Variants in MNS1 observed in about 807,000 individuals in gnomAD.
MNS1 encodes the protein meiosis specific nuclear structural 1, also known as meiosis-specific nuclear structural protein 1.
In MNS1, 63 loss-of-function variants were observed where a neutral mutation model predicts 72.0. That is an observed-to-expected ratio of 0.87 (90% CI 0.71 to 1.08). MNS1 has a LOEUF of 1.08. Among genes scored for constraint, MNS1 ranks in the 50% least tolerant of loss-of-function variants. The pLI is 0.00. For missense variants in MNS1, 604 were observed against 562.4 expected, an observed-to-expected ratio of 1.07 and a Z score of -0.75; for synonymous variants, 188 against 172.1, an observed-to-expected ratio of 1.09 and a Z score of -0.72.
Position 56,434,369 on chromosome 15 carries a change from CT to C in MNS1, c.1037del (p.Lys346SerfsTer5). 1 of 1,612,352 alleles carries C rather than the reference CT, an allele frequency of 6.2e-7. No homozygotes were observed. The highest frequency in any genetic ancestry group is 2.2e-5 in the East Asian group (1 of 44,862). The part of the protein sequence containing the change: ...LKEEAEKKLR[K>X]QKEMKQDFEE... ...CAAAATCTTGCTTCATCTCTTTTTG[CT>C]TTCTCAATTTCTTTTCTGCTTCTTC... On this transcript the variant is annotated frameshift_variant, in exon 8 of 10. Coordinates refer to ENST00000260453, the MANE Select transcript of MNS1 (RefSeq NM_018365.4). LOFTEE classifies it high-confidence loss of function.
At chr15:56,433,651 A>G (rs1167796857) in intron 8 of MNS1, among the ~76,000 whole-genome samples, 3 of 152,076 alleles carry the variant, frequency 2.0e-5, no homozygotes, top group African/African-American at 7.2e-5. Context: ...CTCATCTCTT[A>G]TCTACCTTCA....
Position 56,443,857 on chromosome 15 carries a change from G to A in MNS1, c.687-3C>T. On this transcript the variant is annotated splice_polypyrimidine_tract_variant and splice_region_variant and intron_variant, in intron 5 of 9. Coordinates refer to ENST00000260453, the MANE Select transcript of MNS1 (RefSeq NM_018365.4). ...TTTCTAACTTTTGTTGTTTTTCCCT[G>A]AAAAGCAATAACAAGTACAGATTTA... 6.3e-7 allele frequency: 1 copy of A among 1,588,128 alleles called. No individual in the cohort carries two copies. The highest frequency in any genetic ancestry group is 8.6e-7 in the Non-Finnish European group (1 of 1,169,168).
At chr15:56,433,776 G>A (rs1293254731) in intron 8 of MNS1, among the ~76,000 whole-genome samples, 1 of 152,096 alleles carries the variant, frequency 6.6e-6, no homozygotes, top group Non-Finnish European at 1.5e-5. Flanking sequence ...GGGTGTTCAT[G>A]ATCTGTTTCT....
At chr15:56,448,621 T>C (rs1431648137) in intron 3 of MNS1, among the ~76,000 whole-genome samples, 3 of 152,222 alleles carry the variant, frequency 2.0e-5, no homozygotes, top group Non-Finnish European at 4.4e-5. Flanking sequence ...ACATTTTCTT[T>C]ACCCAATTTC....
chr15:56,433,818 A>G (rs2050666421), intron 8 of MNS1, among the ~76,000 whole-genome samples: 1 of 152,202 alleles, frequency 6.6e-6, no homozygotes, highest in Non-Finnish European at 1.5e-5. Flanking sequence ...CCATAGCTCT[A>G]TAACCTATTA....
intron 2 of MNS1, 162 bp downstream of exon 2, chr15:56,463,864 C>G (rs1322102308): frequency 1.6e-6 from 1 of 613,446 alleles, no homozygotes; most frequent in East Asian, 2.8e-5. Flanking sequence ...CAGGCCGGCT[C>G]CAGAAACCCA....
chr15:56,463,863 T>C (rs1382388580), intron 2 of MNS1, 163 bp downstream of exon 2: 1 of 611,178 alleles, frequency 1.6e-6, no homozygotes, highest in East Asian at 2.8e-5. Flanking sequence ...ACAGGCCGGC[T>C]CCAGAAACCC....
chr15:56,435,278 TGTAAAG>T (rs2050702115), intron 7 of MNS1, among the ~76,000 whole-genome samples: 2 of 151,752 alleles, frequency 1.3e-5, no homozygotes, highest in Admixed American at 6.6e-5. Flanking sequence ...TAAAAAGAAC[TGTAAAG>T]TAAACCCAAA....
rs139884668 is a variant in MNS1, at chr15:56,446,257, T to C, written c.456+584A>G. ...GATAATGAGAGCTCAAGGGATGATGTGCACCCTTTTAATTAACTGTTAATT... is the reference window on the plus strand; with the variant it reads ...GATAATGAGAGCTCAAGGGATGATGCGCACCCTTTTAATTAACTGTTAATT... On this transcript the variant is annotated intron_variant, in intron 4 of 9. Coordinates refer to ENST00000260453, the MANE Select transcript of MNS1 (RefSeq NM_018365.4). Among the ~76,000 whole-genome samples the C allele has an allele frequency of 2.0e-5, 3 of 152,074 alleles. No individual in the cohort carries two copies. The East Asian group carries it at 5.8e-4, about 29-fold the overall frequency.
At chr15:56,430,808 G>A (rs1235500045) in intron 9 of MNS1, among the ~76,000 whole-genome samples, 2 of 152,176 alleles carry the variant, frequency 1.3e-5, no homozygotes, top group African/African-American at 4.8e-5. Context: ...TCTTTGGCAT[G>A]TAAGTACTAC....
At chr15:56,462,889 T>C in intron 2 of MNS1, among the ~76,000 whole-genome samples, 1 of 152,294 alleles carries the variant, frequency 6.6e-6, no homozygotes, top group East Asian at 1.9e-4. Flanking sequence ...GGGATATTCT[T>C]TCAAATTAAA....
chr15:56,462,970 CA>C (rs1382467653), intron 2 of MNS1, among the ~76,000 whole-genome samples: 2 of 151,890 alleles, frequency 1.3e-5, no homozygotes, highest in Non-Finnish European at 2.9e-5. Context: ...AAAAAAAAAT[CA>C]TATCTAAGCT....
chr15:56,450,883 C>A (rs1039640245), intron 3 of MNS1, among the ~76,000 whole-genome samples: 2 of 152,170 alleles, frequency 1.3e-5, no homozygotes, highest in East Asian at 3.8e-4. Flanking sequence ...TTCCCACTTT[C>A]TTGGCAATAC....
intron 2 of MNS1, among the ~76,000 whole-genome samples, chr15:56,460,835 A>T (rs780360789): frequency 3.9e-5 from 6 of 152,158 alleles, no homozygotes; most frequent in Admixed American, 6.5e-5. Flanking sequence ...AGGACAAAAA[A>T]TATAAGAGAG....
intron 3 of MNS1, among the ~76,000 whole-genome samples, chr15:56,453,458 T>C (rs1408359365): frequency 6.6e-6 from 1 of 152,152 alleles, no homozygotes; most frequent in Non-Finnish European, 1.5e-5. Context: ...TGATTATCAG[T>C]CCAGAACATA....
intron 8 of MNS1, 140 bp downstream of exon 8, chr15:56,433,998 T>C: frequency 1.1e-6 from 1 of 901,196 alleles, no homozygotes; most frequent in Non-Finnish European, 1.6e-6. Flanking sequence ...GCAAAAATGG[T>C]CAGAAAATTT....
chr15:56,429,208 C>T lies in MNS1; in HGVS notation c.1396-15G>A, dbSNP rs808730. On this transcript the variant is annotated splice_polypyrimidine_tract_variant and intron_variant, in intron 9 of 9. Transcript: ENST00000260453. ...TTAAATACTCCCTACGAGAAAAATA[C>T]TTTGTGGGTTACTTTTGAATACCAG... 1 allele frequency: 1,536,742 copies of T among 1,538,092 alleles called. 767,697 individuals carry two copies. Among genetic ancestry groups the T allele is most frequent in the East Asian group, 1 (42,700 of 42,700 alleles).
At chr15:56,454,774 G>T (rs573079802) in intron 3 of MNS1, among the ~76,000 whole-genome samples, 33 of 152,040 alleles carry the variant, frequency 2.2e-4, no homozygotes, top group African/African-American at 7.7e-4. Flanking sequence ...ACCATAGCCC[G>T]TATCTCTTTT....
At chr15:56,460,339 G>A (rs2051012550) in intron 2 of MNS1, among the ~76,000 whole-genome samples, 1 of 150,914 alleles carries the variant, frequency 6.6e-6, no homozygotes, top group South Asian at 2.2e-4. Flanking sequence ...ATCTGTAATT[G>A]GAAAAGCAGA....
Sources: allele counts gnomAD v4.1 joint callset (sites outside exome capture counted in the v4.1 genomes callset), GRCh38; gene constraint gnomAD v4.1.1; transcripts MANE v1.5; gene names NCBI Gene and HGNC (gene_info 2026-07-23, HGNC 2026-07-21).